TAF1B: variants seen among roughly 807,000 people sequenced by gnomAD.
TAF1B encodes TATA-box binding protein associated factor, RNA polymerase I subunit B.
A neutral mutation model predicts 83.9 loss-of-function variants in TAF1B; 61 were observed. That is an observed-to-expected ratio of 0.73 (90% confidence interval 0.59 to 0.90). TAF1B has a LOEUF of 0.90. TAF1B is among the 40% of genes least tolerant of loss of function. The pLI is 0.00. For synonymous variants in TAF1B, 221 were observed against 224.6 expected (o/e 0.98, Z 0.14); for missense variants, 625 against 677.0 (o/e 0.92, Z 0.85).
intron 7 of TAF1B, among the ~76,000 whole-genome samples, chr2:9,878,219 CT>C (rs35740852): frequency 0.21 from 29,870 of 142,972 alleles, 3,553 homozygotes; most frequent in Non-Finnish European, 0.28. Flanking sequence ...GATTCTTCTT[CT>C]TTTTTTTTTT....
At chr2:9,889,038 G>A (rs1368838590) in intron 8 of TAF1B, among the ~76,000 whole-genome samples, 1 of 151,596 alleles carries the variant, frequency 6.6e-6, no homozygotes, top group African/African-American at 2.4e-5. Flanking sequence ...CTGACCTCAG[G>A]TGATCCACCC....
intron 5 of TAF1B, among the ~76,000 whole-genome samples, chr2:9,859,741 T>C (rs981287145): frequency 1.3e-5 from 2 of 152,200 alleles, no homozygotes; most frequent in African/African-American, 2.4e-5. Context: ...TTCCAAACTT[T>C]CTTTCATCTT....
At chr2:9,857,740 G>A (rs1303281890) in intron 5 of TAF1B, among the ~76,000 whole-genome samples, 2 of 152,160 alleles carry the variant, frequency 1.3e-5, no homozygotes, top group African/African-American at 4.8e-5. Context: ...GACAGAGAGA[G>A]TGCGTGCGTG....
At chr2:9,890,766 C>T (rs1664844925) in intron 8 of TAF1B, among the ~76,000 whole-genome samples, 1 of 152,000 alleles carries the variant, frequency 6.6e-6, no homozygotes, top group Admixed American at 6.6e-5. Context: ...TTGAAATTTA[C>T]TCTCTTATTT....
chr2:9,851,865 C>G, intron 4 of TAF1B: 1 of 641,478 alleles, frequency 1.6e-6, no homozygotes, highest in Non-Finnish European at 2.9e-6. Flanking sequence ...AGGTTTTAGT[C>G]TTCAGATACT....
At chr2:9,858,078 T>A (rs186089713) in intron 5 of TAF1B, among the ~76,000 whole-genome samples, 36 of 152,284 alleles carry the variant, frequency 2.4e-4, no homozygotes, top group Non-Finnish European at 3.4e-4. Flanking sequence ...AAGTCCAAAG[T>A]CTGATCTGAG....
chr2:9,844,649 G>T (rs145258419), intron 1 of TAF1B, among the ~76,000 whole-genome samples: 2 of 152,282 alleles, frequency 1.3e-5, no homozygotes, highest in African/African-American at 4.8e-5. Context: ...CTAGGCTGAT[G>T]AAATGAATAA....
chr2:9,883,323 G>A (rs1664570032), intron 8 of TAF1B, among the ~76,000 whole-genome samples: 1 of 152,110 alleles, frequency 6.6e-6, no homozygotes, highest in South Asian at 2.1e-4. Flanking sequence ...GTACTCAAAG[G>A]TTATTTCCCC....
chr2:9,883,980 C>T (rs548162466), intron 8 of TAF1B, among the ~76,000 whole-genome samples: 7 of 152,232 alleles, frequency 4.6e-5, no homozygotes, highest in African/African-American at 7.2e-5. Flanking sequence ...TTCGCCCACT[C>T]CGCCTGGCAG....
chr2:9,875,169 G>A (rs1207038607), intron 6 of TAF1B, among the ~76,000 whole-genome samples: 1 of 151,970 alleles, frequency 6.6e-6, no homozygotes, highest in Non-Finnish European at 1.5e-5. Flanking sequence ...TCACCATGTT[G>A]ACCAGGCTGG....
chr2:9,858,378 C>T (rs1031405393), intron 5 of TAF1B, among the ~76,000 whole-genome samples: 1 of 152,234 alleles, frequency 6.6e-6, no homozygotes, highest in Admixed American at 6.5e-5. Context: ...GGTACAGCCC[C>T]CAAGGCTGCT....
At chr2:9,873,319 G>A (rs1664225357) in intron 6 of TAF1B, among the ~76,000 whole-genome samples, 2 of 152,168 alleles carry the variant, frequency 1.3e-5, no homozygotes, top group South Asian at 4.1e-4. Context: ...TACAGAATTT[G>A]GAGAAAGGGA....
intron 14 of TAF1B, among the ~76,000 whole-genome samples, chr2:9,928,972 T>C (rs1666127144): frequency 6.6e-6 from 1 of 152,254 alleles, no homozygotes; most frequent in South Asian, 2.1e-4. Context: ...TTTTTGCCCA[T>C]TCAGTATGAT....
intron 6 of TAF1B, among the ~76,000 whole-genome samples, chr2:9,872,967 G>A (rs1467299959): frequency 1.3e-5 from 2 of 152,182 alleles, no homozygotes; most frequent in Admixed American, 1.3e-4. Context: ...TTGTTTTGTA[G>A]TATACCATTG....
intron 14 of TAF1B, among the ~76,000 whole-genome samples, chr2:9,925,208 G>T (rs1012090071): frequency 6.6e-6 from 1 of 152,160 alleles, no homozygotes; most frequent in South Asian, 2.1e-4. Context: ...TTGGGAGGCC[G>T]AGGTGGGCGG....
At chr2:9,850,152 T>TTTA (rs1663340569) in intron 3 of TAF1B, among the ~76,000 whole-genome samples, 1 of 152,136 alleles carries the variant, frequency 6.6e-6, no homozygotes, top group Admixed American at 6.5e-5. Flanking sequence ...GTAGTGACTT[T>TTTA]TTATTAGGCT....
At chr2:9,916,542 T>C (rs1025369504) in intron 12 of TAF1B, among the ~76,000 whole-genome samples, 6 of 152,216 alleles carry the variant, frequency 3.9e-5, no homozygotes, top group Non-Finnish European at 7.3e-5. Flanking sequence ...TTAGATTAGG[T>C]ATTCACAAGG....
At chr2:9,911,688 G>T (rs981801809) in intron 11 of TAF1B, 131 bp downstream of exon 11, 2 of 524,740 alleles carry the variant, frequency 3.8e-6, no homozygotes, top group African/African-American at 2.0e-5. Context: ...ATTGTATATT[G>T]TACCAGTATT....
chr2:9,895,494 C>A (rs1419516906), intron 8 of TAF1B, among the ~76,000 whole-genome samples: 2 of 140,130 alleles, frequency 1.4e-5, no homozygotes, highest in African/African-American at 5.3e-5. Flanking sequence ...GAGTGAGACC[C>A]TGTCTCAAAA....
Sources: gnomAD v4.1 joint callset for allele counts (sites outside exome capture counted in the v4.1 genomes callset) on GRCh38, gnomAD v4.1.1 for gene constraint, MANE v1.5 for transcripts, NCBI Gene and HGNC (gene_info 2026-07-23, HGNC 2026-07-21) for gene names.